The following CCDC178 variants were observed in gnomAD, a reference collection of about 807,000 sequenced individuals.
CCDC178 encodes coiled-coil domain-containing protein 178.
In CCDC178, 126 loss-of-function variants were observed where a neutral mutation model predicts 117.4. The ratio of observed to expected loss-of-function variants is 1.07; its 90% CI spans 0.93 to 1.24. The LOEUF is 1.24. Among genes scored for constraint, CCDC178 ranks in the 50% most tolerant of loss-of-function variants. The pLI, the probability that CCDC178 is intolerant of heterozygous loss-of-function variation, is 0.00. For synonymous variants in CCDC178, 283 were observed against 313.4 expected, an observed-to-expected ratio of 0.90 and a Z score of 1.02; for missense variants, 1,030 against 986.9, an observed-to-expected ratio of 1.04 and a Z score of -0.59.
chr18:33,175,968 T>C lies in CCDC178; in HGVS notation c.2238+35928A>G, dbSNP rs147670124. Among the ~76,000 whole-genome samples the C allele has an allele frequency of 1.3e-3, 204 of 152,262 alleles. 1 individual carries two copies. The highest frequency in any genetic ancestry group is 2.4e-3 in the Non-Finnish European group (162 of 68,014). On this transcript the variant is annotated intron_variant, in intron 20 of 22. Transcript: ENST00000383096. Reference sequence around the variant, plus strand: ...TTCATAGAACATTCCTACTGATTTTTTTTTCTTTAACTGAAATCTACATCT... The same window carrying C: ...TTCATAGAACATTCCTACTGATTTTCTTTTCTTTAACTGAAATCTACATCT...
chr18:33,054,270 A>C (rs1430811825), intron 21 of CCDC178, among the ~76,000 whole-genome samples: 1 of 152,002 alleles, frequency 6.6e-6, no homozygotes, highest in African/African-American at 2.4e-5. Flanking sequence ...TTTTTTCTTC[A>C]ACTTTTTATT....
intron 12 of CCDC178, among the ~76,000 whole-genome samples, chr18:33,288,549 T>C (rs900485899): frequency 6.6e-6 from 1 of 151,262 alleles, no homozygotes; most frequent in South Asian, 2.1e-4. Context: ...GGGAAAGGCA[T>C]TGGATAAATT....
At chr18:33,404,361 A>G (rs904254993) in intron 3 of CCDC178, among the ~76,000 whole-genome samples, 1 of 152,064 alleles carries the variant, frequency 6.6e-6, no homozygotes, top group Admixed American at 6.6e-5. Context: ...AATACTCTAA[A>G]GACAGTCTAC....
intron 5 of CCDC178, among the ~76,000 whole-genome samples, chr18:33,381,722 T>C (rs376731293): frequency 4.3e-4 from 65 of 152,352 alleles, no homozygotes; most frequent in African/African-American, 1.4e-3. Flanking sequence ...AGTCAAAATA[T>C]TGAAGATATC....
chr18:33,199,825 C>A (rs1200263901), intron 20 of CCDC178, among the ~76,000 whole-genome samples: 1 of 152,156 alleles, frequency 6.6e-6, no homozygotes, highest in East Asian at 1.9e-4. Context: ...ATTCAGTTAA[C>A]AGATTTCAAC....
intron 14 of CCDC178, among the ~76,000 whole-genome samples, chr18:33,254,966 A>G (rs1390953289): frequency 6.6e-6 from 1 of 152,054 alleles, no homozygotes; most frequent in Non-Finnish European, 1.5e-5. Context: ...AGTTTCAATC[A>G]TGGCAGCAAA....
At chr18:33,416,252 C>G (rs2063939050) in intron 2 of CCDC178, among the ~76,000 whole-genome samples, 1 of 152,024 alleles carries the variant, frequency 6.6e-6, no homozygotes, top group African/African-American at 2.4e-5. Context: ...ACGGTGAAAC[C>G]CCGTCTCTAC....
chr18:33,349,827 T>C (rs915401069), intron 7 of CCDC178, among the ~76,000 whole-genome samples: 10 of 151,876 alleles, frequency 6.6e-5, no homozygotes, highest in Non-Finnish European at 5.9e-5. Context: ...AGAGATCAAA[T>C]AGAATAGTCT....
At position 33,089,246 on chromosome 18, in the gene CCDC178, G is replaced by A. The variant is rs75200074; in HGVS notation, c.2388+3515C>T. On this transcript the variant is annotated intron_variant, in intron 21 of 22. Coordinates refer to ENST00000383096, the MANE Select transcript of CCDC178 (RefSeq NM_001105528.4). ...AACCTGATTAGCCATGTATAGGACT[G>A]TTTAATTAATGCTATAGTAAAGTGG... Among the ~76,000 whole-genome samples, 142 of 152,110 alleles carry A rather than the reference G, an allele frequency of 9.3e-4. 1 individual carries two copies. In the East Asian group the frequency reaches 0.025, roughly 27 times the overall value.
intron 5 of CCDC178, among the ~76,000 whole-genome samples, chr18:33,381,808 T>C (rs957288333): frequency 4.6e-5 from 7 of 152,144 alleles, no homozygotes; most frequent in Non-Finnish European, 8.8e-5. Context: ...TATTATTTTA[T>C]GTTGTATTGT....
chr18:33,288,872 G>A (rs1302227724), intron 12 of CCDC178, among the ~76,000 whole-genome samples: 1 of 152,210 alleles, frequency 6.6e-6, no homozygotes, highest in Non-Finnish European at 1.5e-5. Context: ...ATGAAAATAT[G>A]TGGCACATTC....
intron 11 of CCDC178, among the ~76,000 whole-genome samples, chr18:33,303,155 A>C (rs990585135): frequency 6.6e-6 from 1 of 152,132 alleles, no homozygotes; most frequent in African/African-American, 2.4e-5. Flanking sequence ...CAATCTTTAA[A>C]GTTTAAAAAG....
intron 21 of CCDC178, among the ~76,000 whole-genome samples, chr18:33,012,858 A>C (rs8092456): frequency 6.6e-6 from 1 of 152,302 alleles, no homozygotes; most frequent in South Asian, 2.1e-4. Context: ...GCAGCAGCCC[A>C]GTGGCTTATC....
chr18:32,942,577 T>A (rs989725517), intron 22 of CCDC178, among the ~76,000 whole-genome samples: 1 of 152,124 alleles, frequency 6.6e-6, no homozygotes, highest in Non-Finnish European at 1.5e-5. Context: ...TATGGGAGAA[T>A]GTTAAGTCAT....
At chr18:33,333,447 A>G in intron 9 of CCDC178, 53 bp from the exon 10 acceptor site, 3 of 775,350 alleles carry the variant, frequency 3.9e-6, no homozygotes, top group Non-Finnish European at 6.0e-6. Context: ...GAAATATTTG[A>G]TAATACATAA....
intron 21 of CCDC178, among the ~76,000 whole-genome samples, chr18:32,994,252 GT>G (rs1769682245): frequency 6.6e-6 from 1 of 151,936 alleles, no homozygotes; most frequent in South Asian, 2.1e-4. Flanking sequence ...CTTGATTTTA[GT>G]TCTTTAACTT....
intron 20 of CCDC178, among the ~76,000 whole-genome samples, chr18:33,121,116 T>C (rs1454448486): frequency 6.6e-6 from 1 of 152,142 alleles, no homozygotes; most frequent in Non-Finnish European, 1.5e-5. Context: ...TGAGGGGATT[T>C]TGCAGATTTG....
At chr18:33,056,133 T>G (rs2056826649) in intron 21 of CCDC178, among the ~76,000 whole-genome samples, 1 of 152,068 alleles carries the variant, frequency 6.6e-6, no homozygotes, top group Admixed American at 6.5e-5. Flanking sequence ...AATGAAAAAA[T>G]AAAATTGCCT....
chr18:33,045,009 G>A (rs574171081), intron 21 of CCDC178, among the ~76,000 whole-genome samples: 5 of 152,176 alleles, frequency 3.3e-5, no homozygotes, highest in East Asian at 1.9e-4. Context: ...ACAAATGGTC[G>A]GAGGATGCAA....
Sources: allele counts gnomAD v4.1 joint callset (sites outside exome capture counted in the v4.1 genomes callset), GRCh38; gene constraint gnomAD v4.1.1; transcripts MANE v1.5; gene names NCBI Gene and HGNC (gene_info 2026-07-23, HGNC 2026-07-21).